Variants in ELMO1 observed in about 807,000 individuals in gnomAD.
The protein encoded by ELMO1 is engulfment and cell motility protein 1.
In ELMO1, 26 loss-of-function variants were observed where a neutral mutation model predicts 98.9. That is an observed-to-expected ratio of 0.26 (90% confidence interval 0.19 to 0.36). The LOEUF (loss-of-function observed/expected upper bound fraction) is 0.36, where lower values mean the gene tolerates loss of function less well. ELMO1 is among the 10% of genes least tolerant of loss of function. ELMO1 has a pLI of 1.00. For synonymous variants in ELMO1, 346 were observed against 346.0 expected, an observed-to-expected ratio of 1.00 and a Z score of 0.00; for missense variants, 627 against 935.2, an observed-to-expected ratio of 0.67 and a Z score of 4.30.
At chr7:37,031,410 A>G (rs1262374843) in intron 15 of ELMO1, among the ~76,000 whole-genome samples, 1 of 152,090 alleles carries the variant, frequency 6.6e-6, no homozygotes, top group Non-Finnish European at 1.5e-5. Context: ...AATAATGAAA[A>G]ACATAAACTG....
At chr7:37,363,453 C>A (rs553673304) in intron 1 of ELMO1, among the ~76,000 whole-genome samples, 1 of 152,262 alleles carries the variant, frequency 6.6e-6, no homozygotes, top group South Asian at 2.1e-4. Context: ...GTGATCTAAC[C>A]AGGGCCCAAC....
At chr7:37,335,732 C>T (rs2131223061) in intron 2 of ELMO1, among the ~76,000 whole-genome samples, 2 of 152,316 alleles carry the variant, frequency 1.3e-5, no homozygotes, top group South Asian at 4.1e-4. Context: ...AGGTTGAAAA[C>T]TATGTATCTC....
chr7:37,092,699 G>C (rs1003561334), intron 15 of ELMO1, among the ~76,000 whole-genome samples: 3 of 151,918 alleles, frequency 2.0e-5, no homozygotes, highest in Non-Finnish European at 4.4e-5. Context: ...CTTCTAACTA[G>C]GACAACATCC....
intron 13 of ELMO1, among the ~76,000 whole-genome samples, chr7:37,208,650 C>T (rs1036454016): frequency 1.3e-5 from 2 of 152,146 alleles, no homozygotes; most frequent in Non-Finnish European, 2.9e-5. Flanking sequence ...TTTGCAAGAC[C>T]GTCTCTAGGT....
chr7:37,016,469 G>C (rs1793938653), intron 15 of ELMO1, among the ~76,000 whole-genome samples: 1 of 152,124 alleles, frequency 6.6e-6, no homozygotes, highest in Admixed American at 6.5e-5. Context: ...CCCAGCAGCA[G>C]GCTTCCTCCT....
At chr7:37,125,210 C>G (rs1786415254) in intron 14 of ELMO1, among the ~76,000 whole-genome samples, 2 of 152,158 alleles carry the variant, frequency 1.3e-5, no homozygotes, top group African/African-American at 2.4e-5. Flanking sequence ...CATTACCATT[C>G]AGGACATAGG....
In ELMO1 at chr7:37,213,324, T is replaced by C. The variant is rs7809365; in HGVS notation, c.954+11A>G. On this transcript the variant is annotated intron_variant, in intron 12 of 21. Transcript: ENST00000310758. ...TTCCTGTGCTTTGACTGCTGTCCAA[T>C]GAGCACTCACCTGGTCCTGGGGGTC... The C allele has an allele frequency of 0.23, 377,409 of 1,611,100 alleles. 46,954 individuals are homozygous for C. Among genetic ancestry groups the C allele is most frequent in the African/African-American group, 0.4 (29,959 of 74,828 alleles).
intron 18 of ELMO1, among the ~76,000 whole-genome samples, chr7:36,885,497 C>T (rs1484269902): frequency 6.6e-6 from 1 of 152,194 alleles, no homozygotes; most frequent in Non-Finnish European, 1.5e-5. Flanking sequence ...GGGACTCTAG[C>T]TGGGCAGCAG....
chr7:37,373,977 T>C (rs935182344), intron 1 of ELMO1, among the ~76,000 whole-genome samples: 13 of 152,196 alleles, frequency 8.5e-5, no homozygotes, highest in African/African-American at 2.9e-4. Flanking sequence ...AAATGTACAG[T>C]GTTGGATTTC....
At chr7:37,449,009 A>G (rs1805786701), upstream of ELMO1, 1 of 152,224 alleles carries the variant, frequency 6.6e-6, no homozygotes, top group South Asian at 2.1e-4. Context: ...GCGGAGTTGC[A>G]GCCGCCGCCC....
At chr7:37,144,019 T>C (rs2129311756) in intron 13 of ELMO1, among the ~76,000 whole-genome samples, 1 of 152,234 alleles carries the variant, frequency 6.6e-6, no homozygotes, top group East Asian at 1.9e-4. Context: ...CCTATCTTTT[T>C]AGTAAAAGTT....
chr7:37,444,759 C>A (rs1805540767), intron 1 of ELMO1, among the ~76,000 whole-genome samples: 1 of 152,188 alleles, frequency 6.6e-6, no homozygotes, highest in Non-Finnish European at 1.5e-5. Context: ...CGCAATCCAC[C>A]CGCCTCGGAC....
At chr7:37,207,887 C>T (rs1041690273) in intron 13 of ELMO1, among the ~76,000 whole-genome samples, 1 of 152,292 alleles carries the variant, frequency 6.6e-6, no homozygotes, top group African/African-American at 2.4e-5. Context: ...GAAGATGAAG[C>T]AGCTTTTCTG....
intron 6 of ELMO1, among the ~76,000 whole-genome samples, chr7:37,246,897 T>C (rs1795043857): frequency 6.6e-6 from 1 of 152,094 alleles, no homozygotes; most frequent in Non-Finnish European, 1.5e-5. Context: ...TCTATCTATA[T>C]CTCCTGTCTG....
At chr7:36,859,331 T>C (rs1247383817) in intron 21 of ELMO1, among the ~76,000 whole-genome samples, 1 of 152,218 alleles carries the variant, frequency 6.6e-6, no homozygotes, top group Non-Finnish European at 1.5e-5. Context: ...TGGTTTTAAA[T>C]TGAGTCTTTA....
At chr7:36,984,006 A>G (rs1791301285) in intron 16 of ELMO1, among the ~76,000 whole-genome samples, 1 of 150,626 alleles carries the variant, frequency 6.6e-6, no homozygotes, top group Admixed American at 6.6e-5. Flanking sequence ...CTGCTTCCAT[A>G]AAAAGCTGGT....
At chr7:36,861,584 A>G in intron 21 of ELMO1, 75 bp downstream of exon 21, 1 of 1,520,124 alleles carries the variant, frequency 6.6e-7, no homozygotes, top group Non-Finnish European at 9.0e-7. Context: ...ATTTTTCTTA[A>G]GTAAAATTTC....
At chr7:37,444,761 G>A (rs900470487) in intron 1 of ELMO1, among the ~76,000 whole-genome samples, 5 of 152,094 alleles carry the variant, frequency 3.3e-5, no homozygotes, top group African/African-American at 4.8e-5. Context: ...CAATCCACCC[G>A]CCTCGGACTC....
rs746313086 is a variant in ELMO1, at chr7:37,213,447, C to T, written c.842G>A (p.Arg281Gln). The T allele has an allele frequency of 1.2e-6, 2 of 1,611,320 alleles. No homozygotes were observed. The highest frequency in any genetic ancestry group is 2.2e-5 in the South Asian group (2 of 90,884). ...CTCATTGTTGATGGCCCGCTGGGCTCGGATGACATGCTAGGGAGATGGTTC... is the reference window on the plus strand; with the variant it reads ...CTCATTGTTGATGGCCCGCTGGGCTTGGATGACATGCTAGGGAGATGGTTC... ...LRSIILTHVIRAQRAINNEMA... is the reference protein window; with the variant it reads ...LRSIILTHVIQAQRAINNEMA... The change falls in exon 12 of 22, where the codon CGA becomes CAA. Residue 281 changes from arginine (R) to glutamine (Q), a missense_variant. Physicochemically the swap from Arg to Gln is conservative, Grantham distance 43. This residue lies in a region of ELMO1 where 492 missense variants were observed against 715.6 expected (regional missense o/e 0.69). Transcript: ENST00000310758.
Sources: allele counts gnomAD v4.1 joint callset (sites outside exome capture counted in the v4.1 genomes callset), GRCh38; gene constraint gnomAD v4.1.1; regional missense constraint gnomAD v4.1.1; transcripts MANE v1.5; gene names NCBI Gene and HGNC (gene_info 2026-07-23, HGNC 2026-07-21).